Variants in ZNF385D observed in about 807,000 individuals in gnomAD.
ZNF385D encodes the protein zinc finger protein 659.
In ZNF385D, 15 loss-of-function variants were observed where a neutral mutation model predicts 35.8. The ratio of observed to expected loss-of-function variants is 0.42; its 90% CI spans 0.28 to 0.64. ZNF385D has a LOEUF of 0.64. Among genes scored for constraint, ZNF385D ranks in the 30% least tolerant of loss-of-function variants. The probability of loss-of-function intolerance (pLI) is 0.23; values close to 1 mark genes in which losing one functional copy is unlikely to be tolerated. For missense variants in ZNF385D, 474 were observed against 494.6 expected (o/e 0.96, Z 0.39); for synonymous variants, 212 against 186.8 (o/e 1.13, Z -1.10).
chr3:21,723,229 C>T (rs79323013), intron 1 of ZNF385D, among the ~76,000 whole-genome samples: 1 of 152,048 alleles, frequency 6.6e-6, no homozygotes, highest in Non-Finnish European at 1.5e-5. Flanking sequence ...TTCCAAAAAC[C>T]AGAACGTCTC....
At chr3:21,468,407 A>AAG (rs1261170950) in intron 4 of ZNF385D, among the ~76,000 whole-genome samples, 13 of 150,384 alleles carry the variant, frequency 8.6e-5, no homozygotes, top group Non-Finnish European at 1.9e-4. Flanking sequence ...GTCTCAAAAA[A>AAG]AAAAAAAAAA....
At chr3:21,671,832 T>G (rs1404860514) in intron 1 of ZNF385D, among the ~76,000 whole-genome samples, 1 of 152,132 alleles carries the variant, frequency 6.6e-6, no homozygotes, top group Non-Finnish European at 1.5e-5. Context: ...ATTCAGTATT[T>G]ATCGCTGATT....
In ZNF385D at chr3:22,356,351, C is replaced by G. The variant is rs1202320516; in HGVS notation, c.106+16099G>C. Among the ~76,000 whole-genome samples, 3 of 151,908 alleles carry G rather than the reference C, an allele frequency of 2.0e-5. No homozygotes were observed. In the East Asian group the frequency reaches 5.8e-4, roughly 29 times the overall value. ...TATATGCTGTTGTTTCAAGTATTAT[C>G]TTTGTATGATTTCTCTTTTACTATC... On this transcript the variant is annotated intron_variant, in intron 2 of 5. Transcript: ENST00000494108.
chr3:21,832,240 A>C (rs1314934622), intron 3 of ZNF385D, among the ~76,000 whole-genome samples: 1 of 152,170 alleles, frequency 6.6e-6, no homozygotes, highest in African/African-American at 2.4e-5. Flanking sequence ...CAATAAAAAT[A>C]AAAAAAGATT....
In ZNF385D at chr3:21,412,607, T is replaced by G. The variant is rs1229886385; in HGVS notation, c.*8607A>C. The G allele has an allele frequency of 6.6e-6, 1 of 151,994 alleles. No homozygotes were observed. The highest frequency in any genetic ancestry group is 1.5e-5 in the Non-Finnish European group (1 of 67,954). 9.4% of individuals were successfully genotyped at this position (151,994 alleles called of 1,614,324 possible). A position where few individuals can be genotyped will look rare whatever the true frequency, so the allele number is the denominator to read the frequency against. ...TCTTGACACCACTGGCAATATTACA[T>G]TTACCTGGACAATTTTGATATTGTC... On this transcript the variant is annotated 3_prime_UTR_variant, in exon 8 of 8. Transcript: ENST00000281523.
At chr3:22,091,215 T>C (rs1022252366) in intron 3 of ZNF385D, among the ~76,000 whole-genome samples, 3 of 152,144 alleles carry the variant, frequency 2.0e-5, no homozygotes, top group East Asian at 3.9e-4. Context: ...GACACCAAGA[T>C]TCCAGACATT....
intron 3 of ZNF385D, among the ~76,000 whole-genome samples, chr3:22,110,229 G>A (rs1020148336): frequency 5.9e-5 from 9 of 151,896 alleles, no homozygotes; most frequent in African/African-American, 2.2e-4. Flanking sequence ...AGTCAGTGTG[G>A]CGATTCCTCA....
At chr3:22,298,709 C>CAA (rs1168651321) in intron 2 of ZNF385D, among the ~76,000 whole-genome samples, 91 of 134,406 alleles carry the variant, frequency 6.8e-4, no homozygotes, top group African/African-American at 2.4e-3. Context: ...CAACAAAAAC[C>CAA]AAAAAAAAAA....
intron 2 of ZNF385D, among the ~76,000 whole-genome samples, chr3:22,300,756 T>G (rs182116181): frequency 1.3e-5 from 2 of 152,108 alleles, no homozygotes; most frequent in African/African-American, 4.8e-5. Context: ...TCACACATGT[T>G]AGAATAGCTA....
At chr3:22,011,204 GC>G (rs1302334673) in intron 3 of ZNF385D, among the ~76,000 whole-genome samples, 1 of 151,708 alleles carries the variant, frequency 6.6e-6, no homozygotes, top group African/African-American at 2.4e-5. Context: ...GTATACGTAA[GC>G]AAAAAAGCCA....
At chr3:21,982,530 C>T (rs902469837) in intron 3 of ZNF385D, among the ~76,000 whole-genome samples, 2 of 152,246 alleles carry the variant, frequency 1.3e-5, no homozygotes, top group South Asian at 2.1e-4. Context: ...TGTCTGCAAA[C>T]AGAAATAGTT....
chr3:21,451,019 G>A (rs1398932227), intron 4 of ZNF385D, among the ~76,000 whole-genome samples: 1 of 151,816 alleles, frequency 6.6e-6, no homozygotes, highest in East Asian at 1.9e-4. Flanking sequence ...TTCAAGATAA[G>A]ACAGAATTAG....
At chr3:22,036,765 A>G (rs927444814) in intron 3 of ZNF385D, among the ~76,000 whole-genome samples, 8 of 150,294 alleles carry the variant, frequency 5.3e-5, no homozygotes, top group African/African-American at 1.7e-4. Context: ...ACAACGTGCA[A>G]GTTTGCTACA....
chr3:22,063,652 C>G (rs1026852998), intron 3 of ZNF385D, among the ~76,000 whole-genome samples: 1 of 152,078 alleles, frequency 6.6e-6, no homozygotes, highest in African/African-American at 2.4e-5. Flanking sequence ...GGATTCATGC[C>G]CCAGCTGCTA....
intron 2 of ZNF385D, among the ~76,000 whole-genome samples, chr3:22,277,719 G>A (rs550925750): frequency 5.9e-5 from 9 of 152,200 alleles, no homozygotes; most frequent in African/African-American, 2.2e-4. Flanking sequence ...GAAACTGCAA[G>A]ATCTGATGAA....
intron 2 of ZNF385D, among the ~76,000 whole-genome samples, chr3:22,326,832 C>A (rs941165515): frequency 1.3e-5 from 2 of 152,252 alleles, no homozygotes; most frequent in South Asian, 2.1e-4. Flanking sequence ...TACCAAAGCA[C>A]CCCAAAGTAT....
chr3:21,911,665 C>T (rs962867598), intron 3 of ZNF385D, among the ~76,000 whole-genome samples: 3 of 150,550 alleles, frequency 2.0e-5, no homozygotes, highest in Admixed American at 6.6e-5. Context: ...AGAAGGCATA[C>T]ATTTTTTTAT....
intron 1 of ZNF385D, among the ~76,000 whole-genome samples, chr3:21,741,542 C>T (rs1559572874): frequency 6.6e-6 from 1 of 152,052 alleles, no homozygotes; most frequent in African/African-American, 2.4e-5. Flanking sequence ...ACAAGAGCGT[C>T]ATAAGTTGTA....
chr3:22,026,306 T>C lies in ZNF385D; in HGVS notation c.325+142511A>G, dbSNP rs565940252. Reference sequence around the variant, plus strand: ...TGAATGAAGGGGAGGCCAGAACCCCTTGAGAAAGGACCCCCCTACATTACC... The same window carrying C: ...TGAATGAAGGGGAGGCCAGAACCCCCTGAGAAAGGACCCCCCTACATTACC... On this transcript the variant is annotated intron_variant, in intron 3 of 5. Coordinates refer to the ZNF385D transcript ENST00000494108. Among the ~76,000 whole-genome samples, 8 of 152,252 alleles carry C rather than the reference T, an allele frequency of 5.3e-5. No homozygotes were observed. The South Asian group carries it at 1.5e-3, about 28-fold the overall frequency.
Sources: allele counts gnomAD v4.1 joint callset (sites outside exome capture counted in the v4.1 genomes callset), GRCh38; gene constraint gnomAD v4.1.1; transcripts MANE v1.5; gene names NCBI Gene and HGNC (gene_info 2026-07-23, HGNC 2026-07-21).